Variants in LDHC observed in about 807,000 individuals in gnomAD.
LDHC encodes the protein lactate dehydrogenase C.
A neutral mutation model predicts 30.2 loss-of-function variants in LDHC; 20 were observed. The ratio of observed to expected loss-of-function variants is 0.66; its 90% confidence interval spans 0.47 to 0.96. The LOEUF is 0.96. Among genes scored for constraint, LDHC ranks in the 40% least tolerant of loss-of-function variants. The pLI, the probability that LDHC is intolerant of heterozygous loss-of-function variation, is 0.00. For missense variants in LDHC, 362 were observed against 394.9 expected, an observed-to-expected ratio of 0.92 and a Z score of 0.71; for synonymous variants, 139 against 132.7, an observed-to-expected ratio of 1.05 and a Z score of -0.32.
At chr11:18,428,768 AG>A (rs1395458293) in intron 3 of LDHC, among the ~76,000 whole-genome samples, 1 of 151,762 alleles carries the variant, frequency 6.6e-6, no homozygotes, top group Non-Finnish European at 1.5e-5. Flanking sequence ...CCAGCTACTC[AG>A]GAGGCTGATG....
intron 6 of LDHC, 122 bp from the exon 7 acceptor site, chr11:18,446,088 G>A: frequency 1.3e-6 from 1 of 790,926 alleles, no homozygotes. Flanking sequence ...GAAATCTATG[G>A]GAAAATTCTA....
At chr11:18,414,104 A>G (rs2134043366) in intron 2 of LDHC, among the ~76,000 whole-genome samples, 1 of 152,156 alleles carries the variant, frequency 6.6e-6, no homozygotes, top group Admixed American at 6.5e-5. Context: ...TTTTTCTCCA[A>G]CTCTACAGTC....
chr11:18,415,872 T>C (rs1867011896), intron 3 of LDHC, among the ~76,000 whole-genome samples: 1 of 152,022 alleles, frequency 6.6e-6, no homozygotes. Flanking sequence ...TTTGTATTTT[T>C]AGTAGAGATG....
chr11:18,425,876 GC>G (rs1244779868), intron 3 of LDHC, among the ~76,000 whole-genome samples: 1 of 151,938 alleles, frequency 6.6e-6, no homozygotes, highest in Non-Finnish European at 1.5e-5. Flanking sequence ...AGGAGGCGGA[GC>G]TTGCAGTGAG....
chr11:18,433,682 GT>G (rs1848308050), intron 4 of LDHC, among the ~76,000 whole-genome samples: 1 of 152,136 alleles, frequency 6.6e-6, no homozygotes, highest in East Asian at 1.9e-4. Flanking sequence ...AATTTGATAG[GT>G]TTTTCTTTAT....
intron 4 of LDHC, among the ~76,000 whole-genome samples, chr11:18,431,401 G>A (rs1376687460): frequency 2.0e-5 from 3 of 152,280 alleles, no homozygotes; most frequent in South Asian, 4.1e-4. Flanking sequence ...AGTGGAGGTT[G>A]TGGTGAGTTG....
At chr11:18,424,420 T>C (rs1167731543) in intron 3 of LDHC, among the ~76,000 whole-genome samples, 1 of 151,958 alleles carries the variant, frequency 6.6e-6, no homozygotes, top group East Asian at 1.9e-4. Context: ...TGTCATTACC[T>C]GGTGAAGTTG....
chr11:18,412,404 C>T lies in LDHC; in HGVS notation c.-14C>T. ...CTGGTGTCACTTCTGTGCCTTCCTTCAAAGGTGGTGCTTTGTCCCTGTGGG... is the reference window on the plus strand; with the variant it reads ...CTGGTGTCACTTCTGTGCCTTCCTTTAAAGGTGGTGCTTTGTCCCTGTGGG... On this transcript the variant is annotated 5_prime_UTR_variant, in exon 1 of 8. Coordinates refer to ENST00000541669, the MANE Select transcript of LDHC (RefSeq NM_017448.5). 1 of 215,006 alleles carries T rather than the reference C, an allele frequency of 4.7e-6. No homozygotes were observed. Among genetic ancestry groups the T allele is most frequent in the Non-Finnish European group, 9.4e-6 (1 of 106,864 alleles). The allele number at this position is 215,006 out of a possible 1,614,324, so 13.3% of individuals were successfully genotyped here.
In LDHC at chr11:18,424,984, G is replaced by C. The variant is rs149103531; in HGVS notation, c.245-4753G>C. ...GATCGTGCCACTGTACTCCAGCCTG[G>C]GTGATAGAGCCATCTCAAAACAAAA... On this transcript the variant is annotated intron_variant, in intron 3 of 7. Transcript: ENST00000541669. 3.7e-3 allele frequency among the ~76,000 whole-genome samples: 557 copies of C among 152,172 alleles called. 8 individuals carry two copies. The highest frequency in any genetic ancestry group is 0.013 in the African/African-American group (539 of 41,528).
intron 4 of LDHC, among the ~76,000 whole-genome samples, chr11:18,431,517 A>G (rs765037435): frequency 2.6e-5 from 4 of 152,010 alleles, no homozygotes; most frequent in African/African-American, 7.2e-5. Flanking sequence ...AGCCAATCCA[A>G]TATCATTGTG....
At position 18,451,358 on chromosome 11, in the gene LDHC, A is replaced by G; in HGVS notation, c.*231A>G. 3.4e-6 allele frequency: 1 copy of G among 296,308 alleles called. No individual in the cohort carries two copies. The highest frequency in any genetic ancestry group is 8.2e-5 in the South Asian group (1 of 12,202). 18.4% of individuals were successfully genotyped at this position (296,308 alleles called of 1,614,324 possible). On this transcript the variant is annotated 3_prime_UTR_variant, in exon 8 of 8. Transcript: ENST00000541669. ...TACCCAATCTGTACAGGTGTAAGTTATACTTCTGAGGTATGTCACATATGT... is the reference window on the plus strand; with the variant it reads ...TACCCAATCTGTACAGGTGTAAGTTGTACTTCTGAGGTATGTCACATATGT...
chr11:18,424,350 C>T (rs1335871409), intron 3 of LDHC, among the ~76,000 whole-genome samples: 1 of 152,000 alleles, frequency 6.6e-6, no homozygotes, highest in African/African-American at 2.4e-5. Context: ...CCACTGCACT[C>T]CAGCCTGGGC....
intron 3 of LDHC, among the ~76,000 whole-genome samples, chr11:18,419,993 G>T (rs1295182416): frequency 6.6e-6 from 1 of 152,172 alleles, no homozygotes; most frequent in African/African-American, 2.4e-5. Flanking sequence ...TCAGGAGGCT[G>T]AGGCAAGAGA....
chr11:18,415,306 AT>A lies in LDHC; in HGVS notation c.244+9del. 1.4e-6 allele frequency: 2 copies of A among 1,411,820 alleles called. No homozygotes were observed. The highest frequency in any genetic ancestry group is 1.2e-5 in the South Asian group (1 of 81,958). 87.5% of individuals were successfully genotyped at this position (1,411,820 alleles called of 1,614,324 possible). On this transcript the variant is annotated splice_donor_region_variant and intron_variant, in intron 3 of 7. Transcript: ENST00000541669. ...CAAAGATTACTTCTGGAAAAGGTTA[AT>A]TTTAGTTTTATAAAGTTATTTTCAA...
chr11:18,434,909 T>C lies in LDHC; in HGVS notation c.588T>C (p.Ser196=), dbSNP rs189886703. 12 of 1,605,954 alleles carry C rather than the reference T, an allele frequency of 7.5e-6. No homozygotes were observed. In the East Asian group the frequency reaches 2.5e-4, roughly 33 times the overall value. ...HGWIIGEHGD[S]SVPLWSGVNV... Reference sequence around the variant, plus strand: ...GGATTATTGGAGAACATGGTGATTCTAGTGGTAAGTATAAATCTATTATTA... The same window carrying C: ...GGATTATTGGAGAACATGGTGATTCCAGTGGTAAGTATAAATCTATTATTA... The change falls in exon 5 of 8, where the codon TCT becomes TCC. Residue 196 remains serine (S), a synonymous_variant. Coordinates refer to ENST00000541669, the MANE Select transcript of LDHC (RefSeq NM_017448.5).
intron 4 of LDHC, among the ~76,000 whole-genome samples, chr11:18,432,956 T>A (rs570704386): frequency 1.2e-4 from 18 of 152,342 alleles, no homozygotes; most frequent in African/African-American, 4.3e-4. Flanking sequence ...ACATTCAGTG[T>A]TAGTATTGAA....
chr11:18,422,340 A>T (rs1848076795), intron 3 of LDHC, among the ~76,000 whole-genome samples: 1 of 151,922 alleles, frequency 6.6e-6, no homozygotes, highest in Non-Finnish European at 1.5e-5. Context: ...GGATCACTTA[A>T]GGCCAGGAGT....
rs113596194 is a variant in LDHC, at chr11:18,439,908, C to G, written c.710+1263C>G. ...TTGGGAGGCTGAGGCACAAGAATTG[C>G]TTGAACCTAGGAGGCAGAGGTTGCA... On this transcript the variant is annotated intron_variant, in intron 6 of 7. Transcript: ENST00000541669. Among the ~76,000 whole-genome samples, 1,185 of 149,306 alleles carry G rather than the reference C, an allele frequency of 7.9e-3. 22 individuals carry two copies. Among genetic ancestry groups the G allele is most frequent in the African/African-American group, 0.027 (1,120 of 40,784 alleles).
rs762420525 is a variant in LDHC, at chr11:18,446,208, A to G, written c.711-2A>G. 2.1e-5 allele frequency: 34 copies of G among 1,597,694 alleles called. No homozygotes were observed. The highest frequency in any genetic ancestry group is 2.8e-5 in the Non-Finnish European group (33 of 1,165,558). ...TGATTTTCTTACTTTCTACAACTGTAGTGCCTATGAAATTATCAAGCTGAA... is the reference window on the plus strand; with the variant it reads ...TGATTTTCTTACTTTCTACAACTGTGGTGCCTATGAAATTATCAAGCTGAA... On this transcript the variant is annotated splice_acceptor_variant, in intron 6 of 7. Transcript: ENST00000541669. LOFTEE classifies it high-confidence loss of function.
Sources: gnomAD v4.1 joint callset for allele counts (sites outside exome capture counted in the v4.1 genomes callset) on GRCh38, gnomAD v4.1.1 for gene constraint, MANE v1.5 for transcripts, NCBI Gene and HGNC (gene_info 2026-07-23, HGNC 2026-07-21) for gene names.